Variants in TMEM267 observed in about 807,000 individuals in gnomAD.
TMEM267 encodes transmembrane protein 267, also known as transmembrane protein C5orf28.
TMEM267 carries 20 observed loss-of-function variants against 19.3 expected under a neutral mutation model. The ratio of observed to expected loss-of-function variants is 1.04; its 90% CI spans 0.73 to 1.51. The LOEUF is 1.51. Among genes scored for constraint, TMEM267 ranks in the 40% most tolerant of loss-of-function variants. The pLI is 0.00. For missense variants in TMEM267, 242 were observed against 261.9 expected (o/e 0.92, Z 0.52); for synonymous variants, 88 against 90.3 (o/e 0.97, Z 0.15).
chr5:43,461,004 T>C (rs1455064618), intron 1 of TMEM267, among the ~76,000 whole-genome samples: 1 of 152,172 alleles, frequency 6.6e-6, no homozygotes, highest in Admixed American at 6.5e-5. Context: ...GCCAAAGGTA[T>C]GCTGGCATCA....
chr5:43,457,063 T>C (rs1194639335), intron 1 of TMEM267, among the ~76,000 whole-genome samples: 1 of 152,182 alleles, frequency 6.6e-6, no homozygotes, highest in African/African-American at 2.4e-5. Flanking sequence ...AAAACATGAA[T>C]GAATCTTGAA....
At chr5:43,466,973 A>T (rs1743764520) in intron 1 of TMEM267, among the ~76,000 whole-genome samples, 1 of 151,940 alleles carries the variant, frequency 6.6e-6, no homozygotes, top group South Asian at 2.1e-4. Flanking sequence ...ACATGATGAA[A>T]TCCTGTCTCT....
intron 1 of TMEM267, among the ~76,000 whole-genome samples, chr5:43,470,440 C>T (rs1743996161): frequency 6.6e-6 from 1 of 152,176 alleles, no homozygotes; most frequent in Admixed American, 6.5e-5. Flanking sequence ...CCATGCCTGG[C>T]CCCAACATAC....
chr5:43,449,783 A>C (rs1742471029), intron 2 of TMEM267, among the ~76,000 whole-genome samples: 1 of 152,222 alleles, frequency 6.6e-6, no homozygotes, highest in South Asian at 2.1e-4. Context: ...CAACATTTTC[A>C]ACAGGATGGG....
chr5:43,451,312 T>C (rs1034470097), intron 2 of TMEM267, among the ~76,000 whole-genome samples: 1 of 151,684 alleles, frequency 6.6e-6, no homozygotes, highest in Non-Finnish European at 1.5e-5. Flanking sequence ...ATCAATAGAG[T>C]AAACAGACAA....
intron 2 of TMEM267, among the ~76,000 whole-genome samples, chr5:43,451,034 T>G (rs188909746): frequency 6.6e-6 from 1 of 152,182 alleles, no homozygotes; most frequent in Non-Finnish European, 1.5e-5. Context: ...AGACGGGATT[T>G]CACCATGTTG....
chr5:43,465,387 T>C (rs1383556201), intron 1 of TMEM267, among the ~76,000 whole-genome samples: 2 of 152,202 alleles, frequency 1.3e-5, no homozygotes, highest in African/African-American at 2.4e-5. Flanking sequence ...AGTTCAACCA[T>C]TGTGGAAGTC....
In TMEM267 at chr5:43,472,994, C is replaced by T. The variant is rs1002415717; in HGVS notation, c.-75+10828G>A. 3.1e-4 allele frequency among the ~76,000 whole-genome samples: 47 copies of T among 151,736 alleles called. 1 individual carries two copies. The highest frequency in any genetic ancestry group is 3.0e-3 in the Admixed American group (46 of 15,208). ...CTCTACAAAAAATACAAAAATTAGC[C>T]GGGTGTGGTGGCGTGCACCTGTAAT... On this transcript the variant is annotated intron_variant, in intron 1 of 2. Coordinates refer to ENST00000397080, the MANE Select transcript of TMEM267 (RefSeq NM_022483.5).
In TMEM267 at chr5:43,453,901, G is replaced by A. The variant is rs1010269451; in HGVS notation, c.69C>T (p.Ser23=). ...CGAGGCAAAATGCCCCCAGACCAAG[G>A]CTGGAAATAAGAGATTCAGTGCTAC... ...QTCSTESLIS[S]LGLGAFCLVA... is the part of the protein sequence containing the mutation. Residue 23 remains serine, a synonymous_variant, in exon 2 of 3, where the codon AGC becomes AGT. Transcript: ENST00000397080. The A allele has an allele frequency of 2.9e-5, 46 of 1,613,874 alleles. No individual in the cohort carries two copies. Among genetic ancestry groups the A allele is most frequent in the Non-Finnish European group, 3.6e-5 (43 of 1,179,992 alleles).
intron 1 of TMEM267, among the ~76,000 whole-genome samples, chr5:43,475,633 T>C (rs1744369383): frequency 6.6e-6 from 1 of 152,126 alleles, no homozygotes; most frequent in Admixed American, 6.6e-5. Context: ...AGAAAATGTA[T>C]CATTACATTA....
intron 2 of TMEM267, among the ~76,000 whole-genome samples, chr5:43,450,538 A>G (rs1175127779): frequency 1.3e-5 from 2 of 152,128 alleles, no homozygotes; most frequent in African/African-American, 2.4e-5. Context: ...TAACAACTCT[A>G]TGTGGTAGGT....
At chr5:43,450,391 T>C (rs1305136600) in intron 2 of TMEM267, among the ~76,000 whole-genome samples, 1 of 152,228 alleles carries the variant, frequency 6.6e-6, no homozygotes, top group Non-Finnish European at 1.5e-5. Flanking sequence ...TGAATACTTA[T>C]TCAGTTTTGA....
At chr5:43,478,125 C>T (rs1744538092) in intron 1 of TMEM267, among the ~76,000 whole-genome samples, 1 of 152,146 alleles carries the variant, frequency 6.6e-6, no homozygotes, top group Non-Finnish European at 1.5e-5. Context: ...CAGGAAATGA[C>T]CTGTCCATAT....
intron 1 of TMEM267, among the ~76,000 whole-genome samples, chr5:43,469,642 A>G (rs1054462765): frequency 2.0e-5 from 3 of 152,254 alleles, no homozygotes; most frequent in Non-Finnish European, 2.9e-5. Flanking sequence ...TGACAGATCC[A>G]TAGCTAGTAT....
Position 43,483,848 on chromosome 5 carries a change from A to G in TMEM267, c.-101T>C, listed in dbSNP as rs953705973. 5 of 152,278 alleles carry G rather than the reference A, an allele frequency of 3.3e-5. No individual in the cohort carries two copies. The allele number at this position is 152,278 out of a possible 1,614,324, so 9.4% of individuals were successfully genotyped here. A position where few individuals can be genotyped will look rare whatever the true frequency, so the allele number is the denominator to read the frequency against. ...CCGGCTTCTCTGAGTTCAATCCAGC[A>G]GCAGCTCGAGCAGCGGCTCCGCCCC... is the stretch of plus-strand genomic sequence containing the variant. On this transcript the variant is annotated 5_prime_UTR_variant, in exon 1 of 3. Coordinates refer to ENST00000397080, the MANE Select transcript of TMEM267 (RefSeq NM_022483.5).
At chr5:43,456,184 G>T (rs1466347589) in intron 1 of TMEM267, among the ~76,000 whole-genome samples, 3 of 152,130 alleles carry the variant, frequency 2.0e-5, no homozygotes, top group African/African-American at 7.2e-5. Flanking sequence ...AATGGAGGAA[G>T]AATATTCTTT....
intron 1 of TMEM267, among the ~76,000 whole-genome samples, chr5:43,469,785 C>CTACA (rs1388383491): frequency 2.6e-5 from 4 of 152,294 alleles, no homozygotes; most frequent in African/African-American, 9.6e-5. Flanking sequence ...AGATAAAAAG[C>CTACA]TACATACCTC....
intron 1 of TMEM267, among the ~76,000 whole-genome samples, chr5:43,472,176 A>G (rs1744119928): frequency 6.6e-6 from 1 of 152,242 alleles, no homozygotes. Context: ...AATGGCAAAC[A>G]GGCATATGTA....
At chr5:43,451,815 C>A (rs146498016) in intron 2 of TMEM267, among the ~76,000 whole-genome samples, 1 of 152,064 alleles carries the variant, frequency 6.6e-6, no homozygotes, top group Middle Eastern at 3.2e-3. Flanking sequence ...TGGCTCATGC[C>A]TGTAATCCCA....
Sources: gnomAD v4.1 joint callset for allele counts (sites outside exome capture counted in the v4.1 genomes callset) on GRCh38, gnomAD v4.1.1 for gene constraint, MANE v1.5 for transcripts, NCBI Gene and HGNC (gene_info 2026-07-23, HGNC 2026-07-21) for gene names.